KPNA2: variants seen among roughly 807,000 people sequenced by gnomAD.
KPNA2 encodes importin subunit alpha-1.
Under a neutral mutation model 53.7 loss-of-function variants are expected in KPNA2, and 20 were observed. The observed-to-expected ratio is 0.37, with a 90% confidence interval of 0.26 to 0.54. KPNA2 has a LOEUF of 0.54. Among genes scored for constraint, KPNA2 ranks in the 20% least tolerant of loss-of-function variants. KPNA2 has a pLI of 0.83. For missense variants in KPNA2, 515 were observed against 640.3 expected (o/e 0.80, Z 2.11); for synonymous variants, 238 against 227.5 (o/e 1.05, Z -0.42).
At chr17:68,041,996 A>G (rs574291696) in intron 4 of KPNA2, 89 bp from the exon 5 acceptor site, 1 of 1,148,890 alleles carries the variant, frequency 8.7e-7, no homozygotes, top group Admixed American at 2.5e-5. Flanking sequence ...GAAGTTCTAA[A>G]CTCTTGAATT....
intron 3 of KPNA2, 96 bp downstream of exon 3, chr17:68,037,591 T>A: frequency 8.8e-7 from 1 of 1,134,422 alleles, no homozygotes; most frequent in Non-Finnish European, 1.3e-6. Flanking sequence ...TTTCTAGTCT[T>A]AACGGTTTTA....
At position 68,041,068 on chromosome 17, in the gene KPNA2, C is replaced by G. The variant is rs151084237; in HGVS notation, c.302+302C>G. 1.3e-4 allele frequency among the ~76,000 whole-genome samples: 20 copies of G among 152,254 alleles called. No individual in the cohort carries two copies. The East Asian group carries it at 3.3e-3, about 25-fold the overall frequency. On this transcript the variant is annotated intron_variant, in intron 4 of 10. Transcript: ENST00000330459. ...TAAAGTTTTTACCAAAGTAATGTTTCAAGTCACTGGCAGGGGAAGGAAGAA... is the reference window on the plus strand; with the variant it reads ...TAAAGTTTTTACCAAAGTAATGTTTGAAGTCACTGGCAGGGGAAGGAAGAA...
chr17:68,036,352 A>C (rs782036684), intron 1 of KPNA2: 1 of 152,238 alleles, frequency 6.6e-6, no homozygotes, highest in African/African-American at 2.4e-5. Context: ...CATCCTAATT[A>C]AGCGCATTCA....
chr17:68,042,524 T>A (rs1555704708), intron 5 of KPNA2, among the ~76,000 whole-genome samples, 171 bp downstream of exon 5: 1 of 152,114 alleles, frequency 6.6e-6, no homozygotes, highest in African/African-American at 2.4e-5. Context: ...TCTAAGTAAG[T>A]TTGGGAGTTT....
Position 68,042,251 on chromosome 17 carries a change from G to T in KPNA2, c.469G>T (p.Ala157Ser). The change falls in exon 5 of 11, where the codon GCT (alanine) becomes TCT (serine). Residue 157 changes from alanine (A) to serine (S), a missense_variant. By Grantham distance (99) the Ala-to-Ser change is moderately conservative. Transcript: ENST00000330459. ...IASGTSEQTK[A>S]VVDGGAIPAF... ...TTCTGGGACATCAGAACAAACCAAGGCTGTGGTAGATGGAGGTGCCATCCC... is the reference window on the plus strand; with the variant it reads ...TTCTGGGACATCAGAACAAACCAAGTCTGTGGTAGATGGAGGTGCCATCCC... 6.2e-7 allele frequency: 1 copy of T among 1,614,158 alleles called. No homozygotes were observed. The highest frequency in any genetic ancestry group is 8.5e-7 in the Non-Finnish European group (1 of 1,180,022).
intron 4 of KPNA2, among the ~76,000 whole-genome samples, chr17:68,041,221 C>T (rs1423746394): frequency 6.6e-6 from 1 of 152,158 alleles, no homozygotes; most frequent in South Asian, 2.1e-4. Flanking sequence ...TTAATAAGTT[C>T]TATAGCTTGA....
chr17:68,037,553 T>TTAA, intron 3 of KPNA2, 58 bp downstream of exon 3: 1 of 1,513,564 alleles, frequency 6.6e-7, no homozygotes, highest in East Asian at 2.3e-5. Context: ...AGTAGGGACT[T>TTAA]TTCTTAGAAA....
At chr17:68,036,322 G>A (rs1268046612) in intron 1 of KPNA2, 1 of 152,256 alleles carries the variant, frequency 6.6e-6, no homozygotes, top group Non-Finnish European at 1.5e-5. Context: ...GTCATCTTCT[G>A]AATGACGCAC....
chr17:68,044,569 T>G (rs2071306585), intron 9 of KPNA2, 66 bp downstream of exon 9: 1 of 1,336,352 alleles, frequency 7.5e-7, no homozygotes, highest in East Asian at 2.3e-5. Flanking sequence ...CTATTTAGAC[T>G]TGGGGGAGGG....
At chr17:68,037,008 G>T in intron 1 of KPNA2, 102 bp from the exon 2 acceptor site, 2 of 804,166 alleles carry the variant, frequency 2.5e-6, no homozygotes, top group African/African-American at 1.7e-5. Context: ...TAGTATACAG[G>T]TGTGGATTCA....
chr17:68,044,007 A>G lies in KPNA2; in HGVS notation c.1100A>G (p.Gln367Arg). Reference protein sequence around the residue: ...WTMSNITAGRQDQIQQVVNHG... With the variant: ...WTMSNITAGRRDQIQQVVNHG... The stretch of plus-strand genomic sequence containing the variant: ...ATGTCAAACATCACAGCCGGCCGCC[A>G]GGACCAGATACAGCAAGTTGTGAAT... The change falls in exon 8 of 11, where the codon CAG becomes CGG. Residue 367 changes from glutamine to arginine, a missense_variant. Coordinates refer to ENST00000330459, the MANE Select transcript of KPNA2 (RefSeq NM_002266.4). 1 of 1,614,030 alleles carries G rather than the reference A, an allele frequency of 6.2e-7. No homozygotes were observed. The highest frequency in any genetic ancestry group is 8.5e-7 in the Non-Finnish European group (1 of 1,179,894).
At chr17:68,044,224 C>A in intron 8 of KPNA2, 97 bp from the exon 9 acceptor site, 1 of 1,354,478 alleles carries the variant, frequency 7.4e-7, no homozygotes, top group Non-Finnish European at 1.0e-6. Context: ...TTGGATAGAA[C>A]CTTGGTACTT....
chr17:68,039,937 A>T (rs1166601197), intron 3 of KPNA2, among the ~76,000 whole-genome samples: 2 of 141,470 alleles, frequency 1.4e-5, no homozygotes, highest in Non-Finnish European at 3.1e-5. Context: ...AAAATTAGCC[A>T]GGCATGGTGG....
chr17:68,036,585 C>T (rs2071192855), intron 1 of KPNA2: 2 of 152,386 alleles, frequency 1.3e-5, no homozygotes, highest in Non-Finnish European at 2.9e-5. Flanking sequence ...CCTACTTTGT[C>T]TTGAATTAAC....
At chr17:68,038,283 T>A (rs1555704064) in intron 3 of KPNA2, among the ~76,000 whole-genome samples, 1 of 152,130 alleles carries the variant, frequency 6.6e-6, no homozygotes, top group East Asian at 1.9e-4. Context: ...TGTTTTTGTA[T>A]TTTTAGTAGA....
At chr17:68,040,824 T>TG in intron 4 of KPNA2, 58 bp downstream of exon 4, 3 of 1,013,646 alleles carry the variant, frequency 3.0e-6, no homozygotes, top group Non-Finnish European at 4.5e-6. Context: ...TTAGATTTTT[T>TG]TTTGGGGGGT....
chr17:68,044,673 G>A (rs2071307719), intron 9 of KPNA2, among the ~76,000 whole-genome samples, 170 bp downstream of exon 9: 1 of 152,180 alleles, frequency 6.6e-6, no homozygotes, highest in African/African-American at 2.4e-5. Flanking sequence ...CATTATAAAA[G>A]ATACAAAAGA....
chr17:68,042,109 G>GC lies in KPNA2; in HGVS notation c.333dup (p.Ile112HisfsTer21). 6.2e-7 allele frequency: 1 copy of GC among 1,613,308 alleles called. No individual in the cohort carries two copies. The highest frequency in any genetic ancestry group is 8.5e-7 in the Non-Finnish European group (1 of 1,179,372). ...GGAAACTACTTTCCAGAGAAAAACAGCCCCCCATAGACAACATAATCCGGG... is the reference window on the plus strand; with the variant it reads ...GGAAACTACTTTCCAGAGAAAAACAGCCCCCCCATAGACAACATAATCCGGG... On this transcript the variant is annotated frameshift_variant, in exon 5 of 11. Coordinates refer to ENST00000330459, the MANE Select transcript of KPNA2 (RefSeq NM_002266.4). LOFTEE classifies it high-confidence loss of function.
chr17:68,043,718 A>G, intron 7 of KPNA2, 120 bp from the exon 8 acceptor site: 1 of 677,424 alleles, frequency 1.5e-6, no homozygotes, highest in Non-Finnish European at 2.6e-6. Context: ...AGTTGATAGT[A>G]ATATTGAAAT....
Sources: allele counts gnomAD v4.1 joint callset (sites outside exome capture counted in the v4.1 genomes callset), GRCh38; gene constraint gnomAD v4.1.1; transcripts MANE v1.5; gene names NCBI Gene and HGNC (gene_info 2026-07-23, HGNC 2026-07-21).